Variants in NCAPG observed in about 807,000 individuals in gnomAD.
The protein encoded by NCAPG is condensin complex subunit 3.
NCAPG carries 69 observed loss-of-function variants against 113.1 expected under a neutral mutation model. The observed-to-expected ratio is 0.61, with a 90% CI of 0.50 to 0.75. The LOEUF (loss-of-function observed/expected upper bound fraction) is 0.75, where lower values mean the gene tolerates loss of function less well. Ranked by LOEUF, NCAPG falls within the 30% of genes least tolerant of loss-of-function variation. The pLI, the probability that NCAPG is intolerant of heterozygous loss-of-function variation, is 0.00. For missense variants in NCAPG, 1,058 were observed against 1,177.0 expected, an observed-to-expected ratio of 0.90 and a Z score of 1.48; for synonymous variants, 370 against 415.8, an observed-to-expected ratio of 0.89 and a Z score of 1.34.
chr4:17,834,215 A>T (rs1017558429), intron 13 of NCAPG, 84 bp from the exon 14 acceptor site: 3 of 890,828 alleles, frequency 3.4e-6, no homozygotes, highest in Non-Finnish European at 4.9e-6. Context: ...TAAGAAAAAA[A>T]CAAGATACAT....
At chr4:17,842,201 T>TGAAAG (rs1722478021) in intron 19 of NCAPG, 109 bp from the exon 20 acceptor site, 2 of 889,946 alleles carry the variant, frequency 2.2e-6, no homozygotes, top group Non-Finnish European at 3.6e-6. Flanking sequence ...ATACATGTGT[T>TGAAAG]GAAAGGATTG....
At chr4:17,825,926 A>C (rs10489039) in intron 11 of NCAPG, among the ~76,000 whole-genome samples, 31,408 of 151,962 alleles carry the variant, frequency 0.21, 3,823 homozygotes, top group African/African-American at 0.33. Context: ...GTGGAGGATC[A>C]ATGACCTTTC....
chr4:17,815,487 C>A, intron 5 of NCAPG, 129 bp downstream of exon 5: 1 of 634,270 alleles, frequency 1.6e-6, no homozygotes, highest in Non-Finnish European at 2.7e-6. Context: ...TGAAATTTAT[C>A]TTGATGTATT....
At chr4:17,814,157 T>C (rs1721103260) in intron 3 of NCAPG, among the ~76,000 whole-genome samples, 1 of 152,194 alleles carries the variant, frequency 6.6e-6, no homozygotes, top group South Asian at 2.1e-4. Flanking sequence ...CAGTTTAAAA[T>C]AAACTGTCTG....
In NCAPG at chr4:17,840,706, T is replaced by C. The variant is rs556919634; in HGVS notation, c.2854+13T>C. The stretch of plus-strand genomic sequence containing the variant: ...AAGACTAACAGAGGTAGTGTGTGGA[T>C]TGACCATCTTTATGATAAAAGTTTT... On this transcript the variant is annotated intron_variant, in intron 19 of 20. Transcript: ENST00000251496. 4 of 1,448,652 alleles carry C rather than the reference T, an allele frequency of 2.8e-6. No homozygotes were observed. The highest frequency in any genetic ancestry group is 1.6e-5 in the South Asian group (1 of 62,686). The allele number at this position is 1,448,652 out of a possible 1,614,324, so 89.7% of individuals were successfully genotyped here.
rs1391102662 is a variant in NCAPG at position 17,825,371 on chromosome 4, T to A, written c.1474-11T>A. ...TTGTTCAGTGTTGAAACAATTTATA[T>A]CTTCCCTTAGATGGCTGAAATAAAA... On this transcript the variant is annotated splice_polypyrimidine_tract_variant and intron_variant, in intron 10 of 20. Transcript: ENST00000251496. The A allele has an allele frequency of 1.9e-6, 3 of 1,573,372 alleles. No homozygotes were observed. In the African/African-American group the frequency reaches 4.2e-5, roughly 22 times the overall value.
intron 14 of NCAPG, among the ~76,000 whole-genome samples, chr4:17,835,993 A>T (rs1722078701): frequency 6.6e-6 from 1 of 152,198 alleles, no homozygotes; most frequent in Non-Finnish European, 1.5e-5. Context: ...CTGTATACCT[A>T]GGAATTGTGT....
intron 13 of NCAPG, among the ~76,000 whole-genome samples, chr4:17,832,632 T>C (rs1344713921): frequency 2.6e-5 from 4 of 152,124 alleles, no homozygotes; most frequent in Non-Finnish European, 4.4e-5. Flanking sequence ...GATGGTGAGA[T>C]GGAAGTCTTT....
rs573339271 is a variant in NCAPG at position 17,844,790 on chromosome 4, G to A, written c.*1365G>A. ...ATGGCCAGGCTATCCAAAAAGAAAG[G>A]AGCCATGTTCTCATGTGGTTTACCA... On this transcript the variant is annotated 3_prime_UTR_variant, in exon 21 of 21. Coordinates refer to ENST00000251496, the MANE Select transcript of NCAPG (RefSeq NM_022346.5). The A allele has an allele frequency of 6.6e-5, 10 of 152,460 alleles. No homozygotes were observed. Among genetic ancestry groups the A allele is most frequent in the Non-Finnish European group, 1.0e-4 (7 of 67,876 alleles). The allele number at this position is 152,460 out of a possible 1,614,324, so 9.4% of individuals were successfully genotyped here. A position where few individuals can be genotyped will look rare whatever the true frequency, so the allele number is the denominator to read the frequency against.
chr4:17,832,760 G>A (rs527404941), intron 13 of NCAPG, among the ~76,000 whole-genome samples: 1 of 150,752 alleles, frequency 6.6e-6, no homozygotes, highest in South Asian at 2.1e-4. Context: ...CTCAGATAAA[G>A]GTAGGGGAGA....
intron 11 of NCAPG, 70 bp downstream of exon 11, chr4:17,825,631 A>G: frequency 7.4e-7 from 1 of 1,357,010 alleles, no homozygotes; most frequent in Non-Finnish European, 1.0e-6. Flanking sequence ...TATTTTCTCT[A>G]ACTTCTAGAA....
chr4:17,837,555 G>A, intron 15 of NCAPG, 72 bp from the exon 16 acceptor site: 2 of 1,497,056 alleles, frequency 1.3e-6, no homozygotes, highest in Non-Finnish European at 1.8e-6. Flanking sequence ...CTACATAGTA[G>A]TTTTGAATTT....
At chr4:17,822,380 C>G (rs921898772) in intron 7 of NCAPG, among the ~76,000 whole-genome samples, 2 of 151,746 alleles carry the variant, frequency 1.3e-5, no homozygotes, top group Non-Finnish European at 2.9e-5. Context: ...TTAGTAGAGA[C>G]AGGTTTTCAC....
Position 17,823,751 on chromosome 4 carries a change from A to T in NCAPG, c.1364A>T (p.Asp455Val). Residue 455 changes from aspartate to valine, a missense_variant, in exon 9 of 21, where the codon GAT (aspartate) becomes GTT (valine). Coordinates refer to ENST00000251496, the MANE Select transcript of NCAPG (RefSeq NM_022346.5). ...AGACTACTCCACATCATTATAGATG[A>T]TAATAAGAGAACACAAATTGTAAGT... Reference protein sequence around the residue: ...VERLLHIIIDDNKRTQIVTEI... With the variant: ...VERLLHIIIDVNKRTQIVTEI... 1 of 1,596,652 alleles carries T rather than the reference A, an allele frequency of 6.3e-7. No individual in the cohort carries two copies. Among genetic ancestry groups the T allele is most frequent in the Admixed American group, 1.7e-5 (1 of 58,790 alleles).
intron 7 of NCAPG, among the ~76,000 whole-genome samples, chr4:17,821,244 A>G (rs2109049246): frequency 6.6e-6 from 1 of 152,226 alleles, no homozygotes; most frequent in African/African-American, 2.4e-5. Context: ...GAGTAACTCT[A>G]CTGATTGGTT....
intron 13 of NCAPG, among the ~76,000 whole-genome samples, chr4:17,833,458 CAA>C (rs1204698550): frequency 1.5e-5 from 2 of 131,860 alleles, no homozygotes; most frequent in Non-Finnish European, 1.6e-5. Flanking sequence ...CACTCCATCT[CAA>C]AAAAAAAAAA....
chr4:17,815,124 G>A, intron 4 of NCAPG, 126 bp downstream of exon 4: 1 of 1,312,242 alleles, frequency 7.6e-7, no homozygotes. Context: ...GAGAACACAG[G>A]TAATTTAGGT....
At position 17,843,180 on chromosome 4, in the gene NCAPG, A is replaced by G. The variant is rs1577220376; in HGVS notation, c.2925-122A>G. Reference sequence around the variant, plus strand: ...GAGATTTTAGTTTTAAGCTAAGTCAATGGAATCAGGCTATCAATTAAACAC... The same window carrying G: ...GAGATTTTAGTTTTAAGCTAAGTCAGTGGAATCAGGCTATCAATTAAACAC... On this transcript the variant is annotated intron_variant, in intron 20 of 20. Transcript: ENST00000251496. 4 of 1,072,126 alleles carry G rather than the reference A, an allele frequency of 3.7e-6. No homozygotes were observed. In the East Asian group the frequency reaches 7.5e-5, roughly 20 times the overall value. The allele number at this position is 1,072,126 out of a possible 1,614,324, so 66.4% of individuals were successfully genotyped here. A position where few individuals can be genotyped will look rare whatever the true frequency, so the allele number is the denominator to read the frequency against.
At position 17,812,300 on chromosome 4, in the gene NCAPG, C is replaced by T; in HGVS notation, c.191C>T (p.Ala64Val). The T allele has an allele frequency of 6.2e-7, 1 of 1,613,680 alleles. No individual in the cohort carries two copies. The highest frequency in any genetic ancestry group is 8.5e-7 in the Non-Finnish European group (1 of 1,179,784). ...YVMVVYKREP[A>V]VERVIEFAAK... ...ATGGTGGTCTATAAACGTGAACCAG[C>T]TGTGGAGAGGGTAATAGAATTTGCA... is the stretch of plus-strand genomic sequence containing the variant. Residue 64 changes from alanine (A) to valine (V), a missense_variant, in exon 2 of 21, where the codon GCT (alanine) becomes GTT (valine). Physicochemically the swap from Ala to Val is moderately conservative, Grantham distance 64. Transcript: ENST00000251496.
Sources: allele counts gnomAD v4.1 joint callset (sites outside exome capture counted in the v4.1 genomes callset), GRCh38; gene constraint gnomAD v4.1.1; transcripts MANE v1.5; gene names NCBI Gene and HGNC (gene_info 2026-07-23, HGNC 2026-07-21).